The following NELL2 variants were observed in gnomAD, a reference collection of about 807,000 sequenced individuals.
NELL2 encodes the protein neural EGFL like 2.
A neutral mutation model predicts 109.6 loss-of-function variants in NELL2; 41 were observed. That is an observed-to-expected ratio of 0.37 (90% CI 0.29 to 0.49). NELL2 has a LOEUF of 0.49. NELL2 is among the 20% of genes least tolerant of loss of function. The probability of loss-of-function intolerance (pLI) is 0.98; values close to 1 mark genes in which losing one functional copy is unlikely to be tolerated. For synonymous variants in NELL2, 355 were observed against 344.7 expected (o/e 1.03, Z -0.33); for missense variants, 900 against 1,008.3 (o/e 0.89, Z 1.45).
chr12:44,564,465 A>G (rs1310216022), intron 15 of NELL2, among the ~76,000 whole-genome samples: 1 of 152,226 alleles, frequency 6.6e-6, no homozygotes, highest in Non-Finnish European at 1.5e-5. Context: ...AAGAAAGTGT[A>G]GCATTTGACT....
At chr12:44,815,844 C>T (rs1943326987) in intron 3 of NELL2, 142 bp downstream of exon 3, 3 of 834,040 alleles carry the variant, frequency 3.6e-6, no homozygotes, top group Non-Finnish European at 5.3e-6. Flanking sequence ...GTCTTGAACT[C>T]CTGACCTCGT....
chr12:44,513,791 T>C (rs775308256), intron 19 of NELL2, among the ~76,000 whole-genome samples: 1 of 151,754 alleles, frequency 6.6e-6, no homozygotes, highest in Non-Finnish European at 1.5e-5. Flanking sequence ...AATTAAACCA[T>C]CTAAGCGAAT....
At chr12:44,670,736 T>C (rs1948110418) in intron 12 of NELL2, among the ~76,000 whole-genome samples, 1 of 151,732 alleles carries the variant, frequency 6.6e-6, no homozygotes, top group Non-Finnish European at 1.5e-5. Flanking sequence ...AAGGAATCAA[T>C]TCAGTAGGAA....
At chr12:44,735,082 T>C (rs928369056) in intron 9 of NELL2, among the ~76,000 whole-genome samples, 1 of 152,120 alleles carries the variant, frequency 6.6e-6, no homozygotes, top group Non-Finnish European at 1.5e-5. Context: ...GACTTTTTTG[T>C]CTTCAATTTT....
At chr12:44,509,426 C>A (rs1467103631) in intron 19 of NELL2, among the ~76,000 whole-genome samples, 1 of 152,090 alleles carries the variant, frequency 6.6e-6, no homozygotes, top group Non-Finnish European at 1.5e-5. Flanking sequence ...ATGTTTGCAT[C>A]CTCTTAAAAC....
chr12:44,745,275 A>G (rs553695194), intron 9 of NELL2, among the ~76,000 whole-genome samples: 33 of 152,292 alleles, frequency 2.2e-4, no homozygotes, highest in African/African-American at 7.2e-4. Context: ...AACTCCCAAT[A>G]AATTAGATAT....
chr12:44,518,662 A>G (rs1010772525), intron 19 of NELL2, among the ~76,000 whole-genome samples: 1 of 152,148 alleles, frequency 6.6e-6, no homozygotes, highest in East Asian at 1.9e-4. Flanking sequence ...CCATCACTCA[A>G]TATATATTTT....
chr12:44,598,491 A>G (rs1363865010), intron 15 of NELL2, among the ~76,000 whole-genome samples: 1 of 152,084 alleles, frequency 6.6e-6, no homozygotes, highest in East Asian at 1.9e-4. Context: ...GTTTCACCTC[A>G]CAGTCTGCAG....
chr12:44,549,399 G>C (rs563761834), intron 15 of NELL2, among the ~76,000 whole-genome samples: 1 of 152,298 alleles, frequency 6.6e-6, no homozygotes, highest in South Asian at 2.1e-4. Flanking sequence ...GTGGGAGAGA[G>C]ATTAGAAGGA....
intron 9 of NELL2, among the ~76,000 whole-genome samples, chr12:44,725,149 C>A (rs555152688): frequency 1.3e-5 from 2 of 152,042 alleles, no homozygotes; most frequent in Admixed American, 1.3e-4. Flanking sequence ...ATGCAAAACC[C>A]AAAACTATAA....
At chr12:44,560,872 A>G (rs1025982346) in intron 15 of NELL2, among the ~76,000 whole-genome samples, 3 of 152,178 alleles carry the variant, frequency 2.0e-5, no homozygotes, top group Non-Finnish European at 2.9e-5. Context: ...GCAGAGACAC[A>G]ACAAAAAAAG....
chr12:44,905,788 A>C (rs916756780), intron 1 of NELL2, among the ~76,000 whole-genome samples: 2 of 151,178 alleles, frequency 1.3e-5, no homozygotes, highest in African/African-American at 2.5e-5. Flanking sequence ...AATCCTATAC[A>C]AATATTTTTC....
At chr12:44,773,358 C>T (rs1941624181) in intron 9 of NELL2, among the ~76,000 whole-genome samples, 1 of 152,012 alleles carries the variant, frequency 6.6e-6, no homozygotes, top group Non-Finnish European at 1.5e-5. Context: ...CACCTGTAGT[C>T]CCGACTACTC....
At chr12:44,854,899 C>T (rs76887707) in intron 2 of NELL2, among the ~76,000 whole-genome samples, 2,040 of 152,058 alleles carry the variant, frequency 0.013, 27 homozygotes, top group South Asian at 0.042. Flanking sequence ...CCGTTTACAC[C>T]AGTGTTGTCC....
chr12:44,825,336 A>T (rs1592607606), intron 2 of NELL2, among the ~76,000 whole-genome samples: 3 of 144,788 alleles, frequency 2.1e-5, no homozygotes, highest in South Asian at 4.3e-4. Context: ...CCTTGATTTA[A>T]TTTACACCTA....
chr12:44,613,465 C>T (rs982406268), intron 13 of NELL2, among the ~76,000 whole-genome samples: 5 of 152,064 alleles, frequency 3.3e-5, no homozygotes, highest in African/African-American at 9.7e-5. Flanking sequence ...AGACTACATG[C>T]CAAACACAGA....
intron 15 of NELL2, among the ~76,000 whole-genome samples, chr12:44,587,964 A>C (rs1555181196): frequency 1.3e-5 from 2 of 152,122 alleles, no homozygotes; most frequent in Non-Finnish European, 2.9e-5. Context: ...ATCCTGGCTA[A>C]CATGGTGAAA....
At chr12:44,855,232 G>A (rs1944649198) in intron 2 of NELL2, among the ~76,000 whole-genome samples, 1 of 152,168 alleles carries the variant, frequency 6.6e-6, no homozygotes, top group Admixed American at 6.5e-5. Context: ...TGGTTCACAA[G>A]CTTGGCTAAA....
intron 13 of NELL2, among the ~76,000 whole-genome samples, chr12:44,655,727 T>C (rs1399936095): frequency 6.6e-6 from 1 of 152,142 alleles, no homozygotes; most frequent in Admixed American, 6.5e-5. Flanking sequence ...CATTAATTCT[T>C]TGAGTCCTAG....
Sources: gnomAD v4.1 joint callset for allele counts (sites outside exome capture counted in the v4.1 genomes callset) on GRCh38, gnomAD v4.1.1 for gene constraint, MANE v1.5 for transcripts, NCBI Gene and HGNC (gene_info 2026-07-23, HGNC 2026-07-21) for gene names.